Variants in UIMC1 observed in about 807,000 individuals in gnomAD.
UIMC1 encodes BRCA1-A complex subunit RAP80.
In UIMC1, 42 loss-of-function variants were observed where a neutral mutation model predicts 84.9. The observed-to-expected ratio is 0.49, with a 90% CI of 0.39 to 0.64. The LOEUF (loss-of-function observed/expected upper bound fraction) is 0.64, where lower values mean the gene tolerates loss of function less well. Ranked by LOEUF, UIMC1 falls within the 30% of genes least tolerant of loss-of-function variation. UIMC1 has a pLI of 0.00. For synonymous variants in UIMC1, 281 were observed against 293.0 expected (o/e 0.96, Z 0.42); for missense variants, 825 against 847.6 (o/e 0.97, Z 0.33).
intron 6 of UIMC1, among the ~76,000 whole-genome samples, chr5:176,963,607 T>C (rs1167533674): frequency 6.6e-6 from 1 of 152,080 alleles, no homozygotes; most frequent in Admixed American, 6.5e-5. Flanking sequence ...ACTGGTAGTT[T>C]ATTAGGTTTT....
intron 10 of UIMC1, among the ~76,000 whole-genome samples, chr5:176,938,119 G>A (rs1581449881): frequency 6.7e-6 from 1 of 149,198 alleles, no homozygotes; most frequent in Non-Finnish European, 1.5e-5. Context: ...GAGCCTGGGA[G>A]GTTGAGGCTG....
intron 2 of UIMC1, among the ~76,000 whole-genome samples, chr5:176,976,138 A>C (rs199663393): frequency 2.8e-4 from 42 of 152,170 alleles, no homozygotes; most frequent in East Asian, 2.3e-3. Flanking sequence ...CTTAACCCCC[A>C]AAAAAATTTA....
chr5:177,006,072 C>G (rs1361526830), intron 1 of UIMC1, among the ~76,000 whole-genome samples: 1 of 152,202 alleles, frequency 6.6e-6, no homozygotes, highest in Non-Finnish European at 1.5e-5. Context: ...CAACCCGGCA[C>G]GGGAAGGAGC....
rs1410949123 is a variant in UIMC1 at position 176,974,982 on chromosome 5, T to C, written c.232+414A>G. On this transcript the variant is annotated intron_variant, in intron 3 of 14. Transcript: ENST00000511320. ...GAGCCTGGACAGCACAGCAGGACCC[T>C]GTGTTAAAAAAAAAATTAAAATTAG... 2.6e-5 allele frequency among the ~76,000 whole-genome samples: 4 copies of C among 151,676 alleles called. No homozygotes were observed. In the East Asian group the frequency reaches 7.8e-4, roughly 29 times the overall value.
intron 10 of UIMC1, among the ~76,000 whole-genome samples, chr5:176,921,742 C>G (rs1451804273): frequency 1.3e-5 from 2 of 152,180 alleles, no homozygotes; most frequent in Admixed American, 6.5e-5. Context: ...AACAGCCACT[C>G]CCCTCCACCC....
At chr5:176,959,037 G>A (rs191690160) in intron 6 of UIMC1, among the ~76,000 whole-genome samples, 10 of 152,274 alleles carry the variant, frequency 6.6e-5, no homozygotes, top group African/African-American at 2.2e-4. Flanking sequence ...TATGAATCTC[G>A]CTACCATTCA....
intron 1 of UIMC1, among the ~76,000 whole-genome samples, chr5:176,997,168 A>G (rs1773728106): frequency 1.3e-5 from 2 of 151,922 alleles, no homozygotes; most frequent in Non-Finnish European, 2.9e-5. Flanking sequence ...TTCATATCCA[A>G]TTCATCCTTA....
At chr5:176,936,773 C>G (rs1027113187) in intron 10 of UIMC1, among the ~76,000 whole-genome samples, 1 of 152,168 alleles carries the variant, frequency 6.6e-6, no homozygotes, top group Admixed American at 6.5e-5. Flanking sequence ...TTACTCTAGG[C>G]CCCTGTTCAA....
intron 1 of UIMC1, among the ~76,000 whole-genome samples, chr5:177,011,835 C>T (rs1384759530): frequency 2.0e-5 from 3 of 151,070 alleles, no homozygotes; most frequent in Admixed American, 1.3e-4. Context: ...GAATCTCGCT[C>T]TGTTGCCCAG....
chr5:176,934,470 C>A (rs1280230509), intron 10 of UIMC1, among the ~76,000 whole-genome samples: 1 of 152,274 alleles, frequency 6.6e-6, no homozygotes, highest in Non-Finnish European at 1.5e-5. Flanking sequence ...TATCTTGAAA[C>A]CGTGAATCAA....
Position 176,956,055 on chromosome 5 carries a change from C to G in UIMC1, c.1263-20G>C. 1 of 1,610,096 alleles carries G rather than the reference C, an allele frequency of 6.2e-7. No individual in the cohort carries two copies. The highest frequency in any genetic ancestry group is 8.5e-7 in the Non-Finnish European group (1 of 1,177,730). ...GCAACACTGAAAGAGAACCAAATCC[C>G]AAATGAATTCCCAGTAAAATAAATC... On this transcript the variant is annotated intron_variant, in intron 7 of 14. Coordinates refer to ENST00000511320, the MANE Select transcript of UIMC1 (RefSeq NM_001199298.2).
chr5:176,982,750 A>G (rs945779605), intron 1 of UIMC1, 127 bp from the exon 2 acceptor site: 3 of 1,106,642 alleles, frequency 2.7e-6, no homozygotes, highest in Non-Finnish European at 3.8e-6. Context: ...CCCAGGCTGG[A>G]GTGCAATGGC....
chr5:176,943,524 T>C (rs1319765172), intron 9 of UIMC1, 36 bp from the exon 10 acceptor site: 1 of 1,608,294 alleles, frequency 6.2e-7, no homozygotes, highest in Non-Finnish European at 8.5e-7. Flanking sequence ...ATAACAGCTT[T>C]AGTTCATATC....
intron 1 of UIMC1, among the ~76,000 whole-genome samples, chr5:176,999,926 A>T (rs1033433114): frequency 6.6e-6 from 1 of 152,150 alleles, no homozygotes; most frequent in African/African-American, 2.4e-5. Context: ...CAGCAGTGGG[A>T]CTGCTGGATC....
chr5:176,969,796 G>A (rs149047694), intron 4 of UIMC1, 90 bp from the exon 5 acceptor site: 30 of 1,024,414 alleles, frequency 2.9e-5, no homozygotes, highest in Non-Finnish European at 4.1e-5. Context: ...GGAGGCCACC[G>A]TTCATAAGAC....
chr5:176,971,916 A>T (rs1259829253), intron 3 of UIMC1, among the ~76,000 whole-genome samples: 2 of 152,224 alleles, frequency 1.3e-5, no homozygotes, highest in Non-Finnish European at 2.9e-5. Flanking sequence ...TCTCAAAAAA[A>T]CCAAAAACAA....
At chr5:176,955,862 C>T (rs1766533431) in intron 8 of UIMC1, 97 bp downstream of exon 8, 1 of 1,168,148 alleles carries the variant, frequency 8.6e-7, no homozygotes, top group Non-Finnish European at 1.3e-6. Flanking sequence ...ACATACAAAC[C>T]TCCAGAGAGT....
At chr5:177,014,141 C>T (rs1479475038) in intron 1 of UIMC1, among the ~76,000 whole-genome samples, 1 of 151,112 alleles carries the variant, frequency 6.6e-6, no homozygotes, top group Non-Finnish European at 1.5e-5. Flanking sequence ...CAACCTCCAC[C>T]TCCCCGGTTC....
At chr5:176,920,521 G>A (rs1465380801) in intron 10 of UIMC1, among the ~76,000 whole-genome samples, 1 of 152,080 alleles carries the variant, frequency 6.6e-6, no homozygotes, top group Non-Finnish European at 1.5e-5. Context: ...ATATTCCTAA[G>A]TATTTTATTA....
Sources: allele counts gnomAD v4.1 joint callset (sites outside exome capture counted in the v4.1 genomes callset), GRCh38; gene constraint gnomAD v4.1.1; transcripts MANE v1.5; gene names NCBI Gene and HGNC (gene_info 2026-07-23, HGNC 2026-07-21).